SCFD2: variants seen among roughly 807,000 people sequenced by gnomAD.
SCFD2 encodes sec1 family domain containing 2.
SCFD2 carries 54 observed loss-of-function variants against 58.9 expected under a neutral mutation model. That is an observed-to-expected ratio of 0.92 (90% CI 0.74 to 1.15). The LOEUF (loss-of-function observed/expected upper bound fraction) is 1.15. Among genes scored for constraint, SCFD2 ranks in the 50% most tolerant of loss-of-function variants. The probability of loss-of-function intolerance (pLI) is 0.00; values close to 1 mark genes in which losing one functional copy is unlikely to be tolerated. For missense variants in SCFD2, 805 were observed against 836.6 expected, an observed-to-expected ratio of 0.96 and a Z score of 0.47; for synonymous variants, 321 against 335.9, an observed-to-expected ratio of 0.96 and a Z score of 0.49.
intron 2 of SCFD2, among the ~76,000 whole-genome samples, chr4:53,327,017 AAC>A (rs1491323681): frequency 1.4e-5 from 2 of 145,674 alleles, no homozygotes; most frequent in Middle Eastern, 3.6e-3. Context: ...AAAAAAAAAC[AAC>A]AACAAAAAAC....
intron 7 of SCFD2, among the ~76,000 whole-genome samples, chr4:52,889,741 A>T (rs1048296801): frequency 4.6e-5 from 7 of 152,332 alleles, no homozygotes; most frequent in East Asian, 3.9e-4. Flanking sequence ...AGACCAAGAA[A>T]CAGAAAACCA....
At chr4:53,172,823 C>T (rs1727218980) in intron 4 of SCFD2, among the ~76,000 whole-genome samples, 1 of 152,190 alleles carries the variant, frequency 6.6e-6, no homozygotes, top group Admixed American at 6.5e-5. Flanking sequence ...GTTGCTGCTG[C>T]AGGTAATGTC....
chr4:53,164,760 T>G (rs1233854493), intron 4 of SCFD2, among the ~76,000 whole-genome samples: 1 of 121,894 alleles, frequency 8.2e-6, no homozygotes, highest in Non-Finnish European at 1.6e-5. Flanking sequence ...CATTGCAGCC[T>G]GGGCGAAAAA....
At chr4:53,143,447 G>A (rs892627413) in intron 5 of SCFD2, among the ~76,000 whole-genome samples, 2 of 152,170 alleles carry the variant, frequency 1.3e-5, no homozygotes, top group African/African-American at 4.8e-5. Context: ...ATCACATATA[G>A]TGTTATACTT....
intron 5 of SCFD2, among the ~76,000 whole-genome samples, chr4:53,059,525 T>C (rs560580960): frequency 4.6e-5 from 7 of 152,232 alleles, no homozygotes; most frequent in Admixed American, 4.6e-4. Flanking sequence ...GCCTGAGTAT[T>C]TAAACACGAA....
chr4:53,299,685 G>C (rs1344390754), intron 3 of SCFD2, among the ~76,000 whole-genome samples: 1 of 152,100 alleles, frequency 6.6e-6, no homozygotes, highest in Non-Finnish European at 1.5e-5. Flanking sequence ...AAATGTTCAG[G>C]GCAGCCAGAG....
chr4:53,335,194 CAAAAAAAA>C (rs56344451), intron 2 of SCFD2, among the ~76,000 whole-genome samples: 1 of 80,610 alleles, frequency 1.2e-5, no homozygotes, highest in Non-Finnish European at 2.0e-5. Context: ...GACTCCGTCT[CAAAAAAAA>C]AAAAAAAAAA....
At chr4:53,247,932 A>C (rs1191831321) in intron 4 of SCFD2, among the ~76,000 whole-genome samples, 1 of 151,834 alleles carries the variant, frequency 6.6e-6, no homozygotes, top group Non-Finnish European at 1.5e-5. Context: ...AAGATGGCCG[A>C]ATAGGAACAG....
At chr4:53,295,453 T>C (rs1160934965) in intron 3 of SCFD2, among the ~76,000 whole-genome samples, 1 of 152,214 alleles carries the variant, frequency 6.6e-6, no homozygotes. Context: ...GTTATTGGTG[T>C]ATAGGAATGC....
At chr4:52,939,800 G>T (rs1720243180) in intron 5 of SCFD2, among the ~76,000 whole-genome samples, 1 of 152,012 alleles carries the variant, frequency 6.6e-6, no homozygotes, top group Admixed American at 6.6e-5. Flanking sequence ...AAATAAAGAA[G>T]CACCATGAAC....
intron 5 of SCFD2, among the ~76,000 whole-genome samples, chr4:53,144,332 A>G (rs762339346): frequency 6.6e-6 from 1 of 150,878 alleles, no homozygotes; most frequent in Non-Finnish European, 1.5e-5. Flanking sequence ...GTGTGTATAT[A>G]TGTGTGTGTA....
chr4:52,989,833 C>T (rs1721579248), intron 5 of SCFD2, among the ~76,000 whole-genome samples: 1 of 152,136 alleles, frequency 6.6e-6, no homozygotes, highest in Admixed American at 6.5e-5. Flanking sequence ...GATGCCCCCT[C>T]CCACCATCTC....
Position 53,207,524 on chromosome 4 carries a change from TA to T in SCFD2, c.1312-61943del, listed in dbSNP as rs1235311151. On this transcript the variant is annotated intron_variant, in intron 4 of 8. Transcript: ENST00000401642. ...ATATATATTATATATATTATATATA[TA>T]ATATTTATATATTATATATATAATA... 3.9e-3 allele frequency among the ~76,000 whole-genome samples: 169 copies of T among 42,826 alleles called. 11 individuals are homozygous for T. The highest frequency in any genetic ancestry group is 0.02 in the African/African-American group (166 of 8,444). The allele number at this position is 42,826 out of a possible 152,430, so 28.1% of individuals were successfully genotyped here. A position where few individuals can be genotyped will look rare whatever the true frequency, so the allele number is the denominator to read the frequency against.
rs76566790 is a variant in SCFD2, at chr4:53,246,747, G to T, written c.1311+27079C>A. Reference sequence around the variant, plus strand: ...TAAAACCTAAAACTATAAAAACCCTGGAAGATAACCTAGGTAACATCATTC... The same window carrying T: ...TAAAACCTAAAACTATAAAAACCCTTGAAGATAACCTAGGTAACATCATTC... On this transcript the variant is annotated intron_variant, in intron 4 of 8. Transcript: ENST00000401642. 5.3e-4 allele frequency among the ~76,000 whole-genome samples: 81 copies of T among 152,098 alleles called. No homozygotes were observed. The East Asian group carries it at 0.011, about 21-fold the overall frequency.
At chr4:53,253,343 G>T (rs1444545024) in intron 4 of SCFD2, among the ~76,000 whole-genome samples, 1 of 152,022 alleles carries the variant, frequency 6.6e-6, no homozygotes, top group Non-Finnish European at 1.5e-5. Context: ...ATTCCTCAGG[G>T]ATCTAGAACT....
intron 8 of SCFD2, among the ~76,000 whole-genome samples, chr4:52,874,803 C>A (rs1718433615): frequency 6.6e-6 from 1 of 152,164 alleles, no homozygotes; most frequent in African/African-American, 2.4e-5. Context: ...CCTATTTTAA[C>A]TTGATCATCT....
chr4:53,283,709 C>A (rs544397209), intron 3 of SCFD2, among the ~76,000 whole-genome samples: 1 of 151,958 alleles, frequency 6.6e-6, no homozygotes, highest in African/African-American at 2.4e-5. Flanking sequence ...GCTGGGATTA[C>A]AGGCGCCCAC....
chr4:52,889,529 C>T (rs17082150), intron 7 of SCFD2, among the ~76,000 whole-genome samples: 5,334 of 152,292 alleles, frequency 0.035, 336 homozygotes, highest in African/African-American at 0.12. Context: ...TACAACTTGG[C>T]TCTGGTTTAT....
chr4:53,341,518 GT>G (rs1395522328), intron 2 of SCFD2, among the ~76,000 whole-genome samples: 2 of 152,206 alleles, frequency 1.3e-5, no homozygotes, highest in African/African-American at 4.8e-5. Context: ...ATGGAACCAA[GT>G]TGGAAAAGAC....
Sources: gnomAD v4.1 joint callset for allele counts (sites outside exome capture counted in the v4.1 genomes callset) on GRCh38, gnomAD v4.1.1 for gene constraint, MANE v1.5 for transcripts, NCBI Gene and HGNC (gene_info 2026-07-23, HGNC 2026-07-21) for gene names.